The following GBP3 variants were observed in gnomAD, a reference collection of about 807,000 sequenced individuals.
GBP3 encodes the protein guanylate-binding protein 3.
Under a neutral mutation model 62.4 loss-of-function variants are expected in GBP3, and 55 were observed. That is an observed-to-expected ratio of 0.88 (90% CI 0.71 to 1.10). The LOEUF (loss-of-function observed/expected upper bound fraction) is 1.10, where lower values mean the gene tolerates loss of function less well. GBP3 is among the 50% of genes least tolerant of loss of function. The probability of loss-of-function intolerance (pLI) is 0.00; values close to 1 mark genes in which losing one functional copy is unlikely to be tolerated. For missense variants in GBP3, 605 were observed against 690.6 expected, an observed-to-expected ratio of 0.88 and a Z score of 1.39; for synonymous variants, 208 against 259.2, an observed-to-expected ratio of 0.80 and a Z score of 1.90.
At chr1:89,022,010 A>C (rs1476730945) in intron 1 of GBP3, among the ~76,000 whole-genome samples, 1 of 151,464 alleles carries the variant, frequency 6.6e-6, no homozygotes. Context: ...TCTCCTGTAA[A>C]TTCTCCAGAG....
intron 2 of GBP3, among the ~76,000 whole-genome samples, chr1:89,018,709 T>C (rs758620919): frequency 2.0e-5 from 3 of 152,214 alleles, no homozygotes; most frequent in Non-Finnish European, 4.4e-5. Flanking sequence ...TTCATCCCCA[T>C]GTGACCATCT....
At chr1:89,019,863 C>T (rs1184186104) in intron 2 of GBP3, among the ~76,000 whole-genome samples, 1 of 152,116 alleles carries the variant, frequency 6.6e-6, no homozygotes, top group Non-Finnish European at 1.5e-5. Context: ...ATTAATACCA[C>T]AGAACTACAT....
At chr1:89,021,142 G>T (rs1232245927) in intron 1 of GBP3, among the ~76,000 whole-genome samples, 5 of 152,094 alleles carry the variant, frequency 3.3e-5, no homozygotes, top group Admixed American at 2.0e-4. Context: ...AGACCCCCAT[G>T]AGTAAATGTT....
intron 2 of GBP3, among the ~76,000 whole-genome samples, chr1:89,015,767 G>T (rs1412905981): frequency 1.2e-5 from 1 of 86,726 alleles, no homozygotes; most frequent in Non-Finnish European, 2.5e-5. Context: ...AAAAAAAAAA[G>T]AGGGATAGAG....
At chr1:89,014,371 A>T in intron 4 of GBP3, 92 bp from the exon 5 acceptor site, 2 of 1,600,934 alleles carry the variant, frequency 1.2e-6, no homozygotes, top group Non-Finnish European at 1.7e-6. Context: ...TTTTCCTTTG[A>T]TCCTAACCTA....
intron 8 of GBP3, among the ~76,000 whole-genome samples, chr1:89,009,762 T>C (rs979198364): frequency 1.3e-5 from 2 of 152,164 alleles, no homozygotes; most frequent in African/African-American, 4.8e-5. Context: ...CTAAATTTGA[T>C]GCTGTGGTTC....
intron 1 of GBP3, among the ~76,000 whole-genome samples, chr1:89,021,499 T>TGCGCGCGC (rs143944083): frequency 1.8e-3 from 214 of 119,092 alleles, no homozygotes; most frequent in African/African-American, 3.6e-3. Context: ...GAAACACGCA[T>TGCGCGCGC]GCGCGCGCGC....
At chr1:89,022,091 T>C (rs1338578760) in intron 1 of GBP3, among the ~76,000 whole-genome samples, 1 of 152,010 alleles carries the variant, frequency 6.6e-6, no homozygotes, top group East Asian at 1.9e-4. Context: ...AGGAAGCTCT[T>C]TAGCCTGGAT....
At chr1:89,010,500 C>A (rs1279397658) in intron 8 of GBP3, among the ~76,000 whole-genome samples, 2 of 137,946 alleles carry the variant, frequency 1.4e-5, no homozygotes, top group African/African-American at 5.0e-5. Flanking sequence ...GCTCACTGAA[C>A]CTCCCGGGCT....
At chr1:89,008,418 G>T (rs1307910975) in intron 10 of GBP3, among the ~76,000 whole-genome samples, 2 of 149,310 alleles carry the variant, frequency 1.3e-5, no homozygotes, top group Admixed American at 1.4e-4. Flanking sequence ...CAGAAAACAG[G>T]CAGGAGTGGT....
At position 89,011,016 on chromosome 1, in the gene GBP3, T is replaced by C. The variant is rs377247959; in HGVS notation, c.1250A>G (p.Glu417Gly). 1.0e-4 allele frequency: 149 copies of C among 1,461,888 alleles called. 33 individuals are homozygous for C. Among genetic ancestry groups the C allele is most frequent in the Middle Eastern group, 7.2e-4 (4 of 5,578 alleles). The allele number at this position is 1,461,888 out of a possible 1,614,324, so 90.6% of individuals were successfully genotyped here. The change falls in exon 8 of 11, where the codon GAA becomes GGA. Residue 417 changes from glutamate (E) to glycine (G), a missense_variant. Physicochemically the swap from Glu to Gly is moderately conservative, Grantham distance 98. Transcript: ENST00000370481. ...ATAAATTCCCGCCTTCACTTCTTCT[T>C]CTAGAGGACTGAAAATGACCTGAAG... ...ALLQVIFSPLEEEVKAGIYSK... is the reference protein window; with the variant it reads ...ALLQVIFSPLGEEVKAGIYSK...
chr1:89,008,313 G>A (rs1678348802), intron 10 of GBP3, among the ~76,000 whole-genome samples: 3 of 151,198 alleles, frequency 2.0e-5, no homozygotes, highest in Non-Finnish European at 4.4e-5. Flanking sequence ...GTTGGCAGGG[G>A]TAGCAGAAGA....
intron 1 of GBP3, among the ~76,000 whole-genome samples, chr1:89,021,544 A>ACACACACACCCACC (rs761151308): frequency 7.1e-6 from 1 of 140,948 alleles, no homozygotes; most frequent in Non-Finnish European, 1.6e-5. Flanking sequence ...ACACACACAC[A>ACACACACACCCACC]CCCCAAAAAA....
rs1557721490 is a variant in GBP3, at chr1:89,007,810, T to C, written c.1702A>G (p.Thr568Ala). The C allele has an allele frequency of 3.1e-6, 5 of 1,613,710 alleles. No individual in the cohort carries two copies. In the South Asian group the frequency reaches 5.5e-5, roughly 18 times the overall value. The change falls in exon 11 of 11, where the codon ACC (threonine) becomes GCC (alanine). Residue 568 changes from threonine (T) to alanine (A), a missense_variant. By Grantham distance (58) the Thr-to-Ala change is moderately conservative (BLOSUM62 0). Around this residue, in one of 3 missense-constraint regions of GBP3, gnomAD observed 160 missense variants for 147.8 expected, o/e 1.08. Transcript: ENST00000370481. Reference sequence around the variant, plus strand: ...TTTTGTATCTCATTTTGAAGTTGGGTACTTTCACCTTGGCATCTCTCCTTT... The same window carrying C: ...TTTTGTATCTCATTTTGAAGTTGGGCACTTTCACCTTGGCATCTCTCCTTT... Reference protein sequence around the residue: ...VLKERCQGESTQLQNEIQKLQ... With the variant: ...VLKERCQGESAQLQNEIQKLQ...
chr1:89,008,888 G>A (rs2101129728), intron 10 of GBP3, 59 bp downstream of exon 10: 4 of 1,611,072 alleles, frequency 2.5e-6, no homozygotes, highest in Non-Finnish European at 3.4e-6. Flanking sequence ...CTAAGTTTGT[G>A]ATCAGGAAGA....
At chr1:89,016,086 C>T (rs1181729809) in intron 2 of GBP3, among the ~76,000 whole-genome samples, 1 of 152,158 alleles carries the variant, frequency 6.6e-6, no homozygotes, top group African/African-American at 2.4e-5. Flanking sequence ...AAGAATTCAG[C>T]AAAGTTGCAG....
intron 1 of GBP3, among the ~76,000 whole-genome samples, chr1:89,021,832 A>AGAG (rs1570913008): frequency 1.4e-5 from 2 of 141,804 alleles, no homozygotes; most frequent in South Asian, 4.5e-4. Context: ...AGAGAGAGAG[A>AGAG]AAGTGCCAGC....
intron 3 of GBP3, 54 bp from the exon 4 acceptor site, chr1:89,014,710 T>G (rs1455916413): frequency 1.4e-5 from 23 of 1,608,518 alleles, no homozygotes; most frequent in Non-Finnish European, 1.9e-5. Flanking sequence ...CACAGCACTT[T>G]CCAGAGTGAC....
rs779113805 is a variant in GBP3 at position 89,020,622 on chromosome 1, T to C, written c.100A>G (p.Ile34Val). Reference sequence around the variant, plus strand: ...GCCACCACCACCACAGGCTGTGTAATGGCAGACAGGATTTTCAGAGCTTCT... The same window carrying C: ...GCCACCACCACCACAGGCTGTGTAACGGCAGACAGGATTTTCAGAGCTTCT... ...NPEALKILSA[I>V]TQPVVVVAIV... Residue 34 changes from isoleucine to valine, a missense_variant, in exon 2 of 11, where the codon ATT becomes GTT. Ile to Val is a conservative substitution (Grantham distance 29, BLOSUM62 3). Coordinates refer to ENST00000370481, the MANE Select transcript of GBP3 (RefSeq NM_018284.3). 5 of 1,614,204 alleles carry C rather than the reference T, an allele frequency of 3.1e-6. No individual in the cohort carries two copies. Among genetic ancestry groups the C allele is most frequent in the South Asian group, 2.2e-5 (2 of 91,084 alleles).
Sources: allele counts gnomAD v4.1 joint callset (sites outside exome capture counted in the v4.1 genomes callset), GRCh38; gene constraint gnomAD v4.1.1; regional missense constraint gnomAD v4.1.1; transcripts MANE v1.5; gene names NCBI Gene and HGNC (gene_info 2026-07-23, HGNC 2026-07-21).